DIAPH2: variants seen among roughly 807,000 people sequenced by gnomAD.
DIAPH2 encodes the protein protein diaphanous homolog 2.
Under a neutral mutation model 92.7 loss-of-function variants are expected in DIAPH2, and 35 were observed. The ratio of observed to expected loss-of-function variants is 0.38; its 90% CI spans 0.29 to 0.50. The LOEUF is 0.50. Among genes scored for constraint, DIAPH2 ranks in the 20% least tolerant of loss-of-function variants. The pLI is 0.94. For missense variants in DIAPH2, 701 were observed against 819.5 expected (o/e 0.86, Z 1.77); for synonymous variants, 301 against 280.4 (o/e 1.07, Z -0.73).
At position 97,018,330 on chromosome X, in the gene DIAPH2, T is replaced by C. The variant is rs2066274049; in HGVS notation, c.2050+53123T>C. Among the ~76,000 whole-genome samples the C allele has an allele frequency of 2.7e-5, 3 of 112,385 alleles. No homozygotes were observed. In the South Asian group the frequency reaches 1.1e-3, roughly 41 times the overall value. On this transcript the variant is annotated intron_variant, in intron 17 of 26. Coordinates refer to ENST00000324765, the MANE Select transcript of DIAPH2 (RefSeq NM_006729.5). ...TTTATTTTATAACATTTTGGGGTGA[T>C]TTTTAAAAATTATTTTTCAGACATT...
intron 26 of DIAPH2, among the ~76,000 whole-genome samples, chrX:97,547,986 G>A (rs746014387): frequency 7.7e-4 from 86 of 111,699 alleles, no homozygotes; most frequent in Non-Finnish European, 1.2e-3. Context: ...CAAGCCTGTC[G>A]GGACTAAGTT....
At chrX:96,922,925 A>C (rs2065555584) in intron 9 of DIAPH2, among the ~76,000 whole-genome samples, 1 of 111,459 alleles carries the variant, frequency 9.0e-6, no homozygotes, top group African/African-American at 3.3e-5. Context: ...ATCTTTGCTG[A>C]TAGAGAAGCA....
chrX:97,585,934 C>T (rs940547805), intron 26 of DIAPH2, among the ~76,000 whole-genome samples: 4 of 112,050 alleles, frequency 3.6e-5, no homozygotes, highest in Non-Finnish European at 5.6e-5. Context: ...AATTCCATAA[C>T]GTGTACTGTA....
chrX:96,760,400 A>T (rs992594293), intron 4 of DIAPH2, among the ~76,000 whole-genome samples: 1 of 111,491 alleles, frequency 9.0e-6, no homozygotes, highest in African/African-American at 3.2e-5. Flanking sequence ...CTACTTTATG[A>T]AAATGCTTTC....
chrX:97,557,396 G>C (rs536893358), intron 26 of DIAPH2, among the ~76,000 whole-genome samples: 1 of 111,603 alleles, frequency 9.0e-6, no homozygotes, highest in South Asian at 3.9e-4. Flanking sequence ...AAAATTAGCT[G>C]GGTGTGGTGG....
intron 3 of DIAPH2, among the ~76,000 whole-genome samples, chrX:96,753,190 C>T (rs1173925589): frequency 1.8e-5 from 2 of 111,531 alleles, no homozygotes; most frequent in Admixed American, 9.6e-5. Context: ...TTGGAGGTTG[C>T]GGATTGATGA....
chrX:97,294,754 T>C (rs2068629261), intron 23 of DIAPH2, among the ~76,000 whole-genome samples: 1 of 112,135 alleles, frequency 8.9e-6, no homozygotes, highest in African/African-American at 3.2e-5. Context: ...TTGCGAGTAA[T>C]TTTTATAATT....
chrX:96,745,007 CTT>C (rs746267062), intron 3 of DIAPH2, among the ~76,000 whole-genome samples: 9 of 96,511 alleles, frequency 9.3e-5, no homozygotes, highest in Admixed American at 2.3e-4. Context: ...AGGTGTAAAA[CTT>C]TTTTTTTTTT....
intron 25 of DIAPH2, among the ~76,000 whole-genome samples, chrX:97,386,069 C>T (rs970634823): frequency 7.2e-5 from 8 of 111,698 alleles, no homozygotes; most frequent in African/African-American, 2.6e-4. Context: ...AAGTAATATC[C>T]GTACTGTTAA....
chrX:96,692,930 G>T (rs1018140967), intron 1 of DIAPH2, among the ~76,000 whole-genome samples: 1 of 112,006 alleles, frequency 8.9e-6, no homozygotes. Flanking sequence ...ATATAGTCTA[G>T]GTTGCTGAAT....
chrX:96,732,544 G>A (rs891205610), intron 1 of DIAPH2, among the ~76,000 whole-genome samples: 1 of 112,037 alleles, frequency 8.9e-6, no homozygotes, highest in Admixed American at 9.5e-5. Flanking sequence ...CACTCTAGTT[G>A]AATGAAATTT....
At chrX:96,755,698 A>G (rs1205884634) in intron 3 of DIAPH2, among the ~76,000 whole-genome samples, 3 of 98,124 alleles carry the variant, frequency 3.1e-5, no homozygotes, top group Non-Finnish European at 6.2e-5. Context: ...TTCTTCGCCA[A>G]TTAGTTTATT....
chrX:96,743,347 T>C (rs183358662), intron 3 of DIAPH2, among the ~76,000 whole-genome samples: 2 of 110,896 alleles, frequency 1.8e-5, no homozygotes, highest in East Asian at 2.8e-4. Flanking sequence ...TTATATCTAG[T>C]AGTGGAATTG....
chrX:96,983,186 T>C (rs775225663), intron 17 of DIAPH2, among the ~76,000 whole-genome samples: 5 of 111,639 alleles, frequency 4.5e-5, no homozygotes, highest in Non-Finnish European at 9.4e-5. Context: ...AATACTGTTT[T>C]GATTTTTAGT....
At chrX:97,083,925 C>T (rs2066765400) in intron 19 of DIAPH2, among the ~76,000 whole-genome samples, 1 of 111,173 alleles carries the variant, frequency 9.0e-6, no homozygotes, top group Admixed American at 9.6e-5. Context: ...GTTGCAAATA[C>T]CACTAGTCAA....
At chrX:96,935,348 A>G (rs1188786079) in intron 10 of DIAPH2, among the ~76,000 whole-genome samples, 1 of 111,579 alleles carries the variant, frequency 9.0e-6, no homozygotes, top group East Asian at 2.8e-4. Context: ...AAACATATAT[A>G]TGTGTATGTA....
intron 2 of DIAPH2, among the ~76,000 whole-genome samples, chrX:96,736,651 C>T (rs1454103699): frequency 8.9e-6 from 1 of 112,181 alleles, no homozygotes; most frequent in Non-Finnish European, 1.9e-5. Context: ...GATCCACCCA[C>T]CTCAGTTTCC....
At chrX:97,313,725 A>T (rs1309284776) in intron 23 of DIAPH2, among the ~76,000 whole-genome samples, 1 of 106,307 alleles carries the variant, frequency 9.4e-6, no homozygotes. Flanking sequence ...TGCAACATCC[A>T]CCTCCCGGGT....
intron 4 of DIAPH2, among the ~76,000 whole-genome samples, chrX:96,827,298 A>T (rs918689872): frequency 7.1e-5 from 8 of 112,329 alleles, no homozygotes; most frequent in African/African-American, 2.3e-4. Context: ...TGAATGTCTT[A>T]TTGCAAAACA....
Sources: gnomAD v4.1 joint callset for allele counts (sites outside exome capture counted in the v4.1 genomes callset) on GRCh38, gnomAD v4.1.1 for gene constraint, MANE v1.5 for transcripts, NCBI Gene and HGNC (gene_info 2026-07-23, HGNC 2026-07-21) for gene names.